Variants in FTCDNL1 observed in about 807,000 individuals in gnomAD.
FTCDNL1 encodes formiminotransferase cyclodeaminase N-terminal like.
In FTCDNL1, 11 loss-of-function variants were observed where a neutral mutation model predicts 5.9. The observed-to-expected ratio is 1.87, with a 90% CI of 1.18 to 3.10. The LOEUF (loss-of-function observed/expected upper bound fraction) is 3.10. Ranked by LOEUF, FTCDNL1 falls within the 30% of genes most tolerant of loss-of-function variation. FTCDNL1 has a pLI of 0.00. For missense variants in FTCDNL1, 115 were observed against 65.5 expected (o/e 1.76, Z -2.61); for synonymous variants, 58 against 24.8 (o/e 2.34, Z -3.99).
intron 3 of FTCDNL1, among the ~76,000 whole-genome samples, chr2:199,768,762 G>T (rs1698662159): frequency 6.6e-6 from 1 of 152,128 alleles, no homozygotes. Context: ...AAAAGCAAGA[G>T]TTCTACTTGT....
chr2:199,792,817 A>G (rs1429495700), intron 3 of FTCDNL1, among the ~76,000 whole-genome samples: 1 of 152,206 alleles, frequency 6.6e-6, no homozygotes, highest in Non-Finnish European at 1.5e-5. Flanking sequence ...CCAAAGCAAG[A>G]TCCTAAACAG....
At chr2:199,676,046 G>A in the FTCDNL1 span, among the ~76,000 whole-genome samples, 1 of 152,212 alleles carries the variant, frequency 6.6e-6, no homozygotes, top group Non-Finnish European at 1.5e-5. Context: ...GCCACCACAA[G>A]TGGCTTCCTT....
chr2:199,684,931 C>T, the FTCDNL1 span, among the ~76,000 whole-genome samples: 2 of 152,160 alleles, frequency 1.3e-5, no homozygotes, highest in South Asian at 2.1e-4. Flanking sequence ...GATGGTTATA[C>T]ATAAACTTCT....
the FTCDNL1 span, among the ~76,000 whole-genome samples, chr2:199,683,656 G>A: frequency 1.3e-5 from 2 of 151,498 alleles, no homozygotes; most frequent in South Asian, 2.1e-4. Context: ...GGAGCAGCCC[G>A]TGCACATTCC....
the FTCDNL1 span, among the ~76,000 whole-genome samples, chr2:199,709,460 CA>C: frequency 6.6e-6 from 1 of 151,882 alleles, no homozygotes; most frequent in African/African-American, 2.4e-5. Flanking sequence ...GAGAATAAAG[CA>C]AAAAACTGAG....
chr2:199,846,921 G>A (rs888012482), intron 2 of FTCDNL1, among the ~76,000 whole-genome samples: 2 of 152,140 alleles, frequency 1.3e-5, no homozygotes, highest in Non-Finnish European at 2.9e-5. Flanking sequence ...GTTTTCAGGC[G>A]GTAATTAAAC....
intron 3 of FTCDNL1, among the ~76,000 whole-genome samples, chr2:199,764,816 C>T (rs999728644): frequency 6.6e-6 from 1 of 152,190 alleles, no homozygotes; most frequent in African/African-American, 2.4e-5. Context: ...ACAAATAGGA[C>T]CTTCCAAGAC....
intron 3 of FTCDNL1, among the ~76,000 whole-genome samples, chr2:199,839,107 TC>T (rs1256928786): frequency 6.6e-6 from 1 of 151,718 alleles, no homozygotes; most frequent in East Asian, 1.9e-4. Context: ...CCTTCCAGCA[TC>T]CACTCAGAAT....
chr2:199,779,958 G>T (rs1475128484), intron 3 of FTCDNL1, among the ~76,000 whole-genome samples: 1 of 152,196 alleles, frequency 6.6e-6, no homozygotes, highest in Non-Finnish European at 1.5e-5. Context: ...GAGACACTTT[G>T]CTTTCACTAC....
the FTCDNL1 span, among the ~76,000 whole-genome samples, chr2:199,673,695 TAAGA>T: frequency 8.5e-5 from 13 of 152,266 alleles, no homozygotes; most frequent in African/African-American, 2.9e-4. Context: ...GAAATAGATA[TAAGA>T]AAGAAAAATA....
the FTCDNL1 span, among the ~76,000 whole-genome samples, chr2:199,677,268 C>T: frequency 1.3e-5 from 2 of 152,148 alleles, no homozygotes; most frequent in African/African-American, 4.8e-5. Context: ...AGAATAAAAC[C>T]AAGCAATCAG....
chr2:199,759,663 A>G (rs1698192383), downstream of FTCDNL1, among the ~76,000 whole-genome samples: 1 of 152,228 alleles, frequency 6.6e-6, no homozygotes, highest in Non-Finnish European at 1.5e-5. Flanking sequence ...GTTAATAATG[A>G]TAATACTTCC....
intron 3 of FTCDNL1, among the ~76,000 whole-genome samples, chr2:199,786,251 G>GTA (rs139819752): frequency 0.069 from 10,019 of 146,172 alleles, 455 homozygotes; most frequent in Admixed American, 0.16. Flanking sequence ...CTCCAGCCCT[G>GTA]TATATATATA....
chr2:199,838,271 G>A (rs1253514147), intron 3 of FTCDNL1, among the ~76,000 whole-genome samples: 4 of 152,142 alleles, frequency 2.6e-5, no homozygotes, highest in Non-Finnish European at 5.9e-5. Flanking sequence ...GACAAAAGAA[G>A]AATGCTCCTG....
chr2:199,819,865 A>T, intron 3 of FTCDNL1, 108 bp from the exon 4 acceptor site: 1 of 614,454 alleles, frequency 1.6e-6, no homozygotes, highest in Non-Finnish European at 2.9e-6. Context: ...CATAGAACTC[A>T]TCATTTTAGT....
chr2:199,816,913 C>T (rs1701381534), intron 4 of FTCDNL1, among the ~76,000 whole-genome samples: 1 of 152,242 alleles, frequency 6.6e-6, no homozygotes, highest in African/African-American at 2.4e-5. Context: ...TCCCCAACTA[C>T]AATGTAAGTT....
At chr2:199,772,786 T>C (rs896088931) in intron 3 of FTCDNL1, among the ~76,000 whole-genome samples, 16 of 152,232 alleles carry the variant, frequency 1.1e-4, no homozygotes, top group African/African-American at 3.6e-4. Context: ...CTTAAATGTA[T>C]TCTGTCGTCT....
the FTCDNL1 span, among the ~76,000 whole-genome samples, chr2:199,673,059 G>A: frequency 6.6e-6 from 1 of 152,238 alleles, no homozygotes; most frequent in South Asian, 2.1e-4. Flanking sequence ...TGGGCACAGT[G>A]GCTCACACCT....
At position 199,821,504 on chromosome 2, in the gene FTCDNL1, G is replaced by A. The variant is rs116279536; in HGVS notation, c.212-1747C>T. ...TTTTGAGATGGAGTTTCACGCTGTCGCCCAGGCTGCAGTGCAGTGGCATGA... is the reference window on the plus strand; with the variant it reads ...TTTTGAGATGGAGTTTCACGCTGTCACCCAGGCTGCAGTGCAGTGGCATGA... On this transcript the variant is annotated intron_variant, in intron 3 of 4. Transcript: ENST00000420128. 1.2e-3 allele frequency among the ~76,000 whole-genome samples: 183 copies of A among 151,334 alleles called. 1 individual carries two copies. The highest frequency in any genetic ancestry group is 4.1e-3 in the African/African-American group (170 of 41,200).
Sources: gnomAD v4.1 joint callset for allele counts (sites outside exome capture counted in the v4.1 genomes callset) on GRCh38, gnomAD v4.1.1 for gene constraint, MANE v1.5 for transcripts, NCBI Gene and HGNC (gene_info 2026-07-23, HGNC 2026-07-21) for gene names.